MYO5C: variants seen among roughly 807,000 people sequenced by gnomAD.
The protein encoded by MYO5C is unconventional myosin-Vc.
MYO5C carries 194 observed loss-of-function variants against 235.7 expected under a neutral mutation model. The ratio of observed to expected loss-of-function variants is 0.82; its 90% CI spans 0.73 to 0.93. The LOEUF (loss-of-function observed/expected upper bound fraction) is 0.93. Ranked by LOEUF, MYO5C falls within the 40% of genes least tolerant of loss-of-function variation. MYO5C has a pLI of 0.00. For synonymous variants in MYO5C, 707 were observed against 754.8 expected (o/e 0.94, Z 1.04); for missense variants, 2,038 against 2,127.2 (o/e 0.96, Z 0.82).
chr15:52,219,423 G>A (rs1175346430), intron 31 of MYO5C, among the ~76,000 whole-genome samples: 2 of 152,172 alleles, frequency 1.3e-5, no homozygotes, highest in Non-Finnish European at 2.9e-5. Context: ...GATAATTCAA[G>A]TGCATGGTAT....
At chr15:52,288,710 C>T (rs1184515445) in intron 1 of MYO5C, among the ~76,000 whole-genome samples, 1 of 152,238 alleles carries the variant, frequency 6.6e-6, no homozygotes, top group African/African-American at 2.4e-5. Flanking sequence ...CAGCTGTCAA[C>T]TGACCTCCAG....
intron 19 of MYO5C, among the ~76,000 whole-genome samples, chr15:52,243,751 G>A (rs74531616): frequency 6.6e-6 from 1 of 152,232 alleles, no homozygotes; most frequent in Non-Finnish European, 1.5e-5. Context: ...CGGAATGACC[G>A]TGGTCCTTCA....
At chr15:52,249,020 T>C (rs2036414167) in intron 13 of MYO5C, among the ~76,000 whole-genome samples, 2 of 152,234 alleles carry the variant, frequency 1.3e-5, no homozygotes, top group South Asian at 2.1e-4. Context: ...TGCACTCACC[T>C]GTTGGCTCCC....
At chr15:52,278,759 TG>T in intron 4 of MYO5C, 113 bp downstream of exon 4, 1 of 1,272,316 alleles carries the variant, frequency 7.9e-7, no homozygotes, top group Non-Finnish European at 1.1e-6. Context: ...GCACCACCTC[TG>T]GCCTATCTCT....
At chr15:52,238,864 A>G (rs994439486) in intron 21 of MYO5C, among the ~76,000 whole-genome samples, 7 of 150,924 alleles carry the variant, frequency 4.6e-5, no homozygotes, top group Non-Finnish European at 1.0e-4. Context: ...GATGGTCTCG[A>G]TCTCCTGACC....
At chr15:52,279,772 T>G (rs934260463) in intron 2 of MYO5C, 98 bp from the exon 3 acceptor site, 1 of 1,164,816 alleles carries the variant, frequency 8.6e-7, no homozygotes, top group Non-Finnish European at 1.2e-6. Context: ...TCCATCAGAG[T>G]CATCACTGAC....
At chr15:52,237,405 A>C (rs1304804716) in intron 22 of MYO5C, 77 bp downstream of exon 22, 48 of 1,514,646 alleles carry the variant, frequency 3.2e-5, no homozygotes, top group Non-Finnish European at 4.2e-5. Context: ...TCCACTTCAT[A>C]GGAAAAGCTG....
intron 1 of MYO5C, among the ~76,000 whole-genome samples, chr15:52,286,083 C>CG (rs1208624154): frequency 2.6e-5 from 4 of 152,038 alleles, no homozygotes; most frequent in Non-Finnish European, 5.9e-5. Context: ...TGCCCGGCCG[C>CG]CCCGTCTGAG....
intron 10 of MYO5C, among the ~76,000 whole-genome samples, chr15:52,260,558 G>A (rs373894774): frequency 3.3e-5 from 5 of 152,188 alleles, no homozygotes; most frequent in Non-Finnish European, 7.3e-5. Context: ...GCTCTACAAC[G>A]GGGATAGTTA....
chr15:52,229,129 C>A lies in MYO5C; in HGVS notation c.3207+4G>T. The stretch of plus-strand genomic sequence containing the variant: ...GGCGGGGCTGAACGTGAGAGCCGCT[C>A]TACCTTGACCTGCTTGCTCAGGCGG... On this transcript the variant is annotated splice_donor_region_variant and intron_variant, in intron 25 of 40. Coordinates refer to ENST00000261839, the MANE Select transcript of MYO5C (RefSeq NM_018728.4). The A allele has an allele frequency of 6.2e-7, 1 of 1,613,926 alleles. No homozygotes were observed. The highest frequency in any genetic ancestry group is 8.5e-7 in the Non-Finnish European group (1 of 1,179,916).
chr15:52,279,638 G>C lies in MYO5C; in HGVS notation c.175C>G (p.Pro59Ala). The part of the protein sequence containing the change: ...DYSVNPESLP[P>A]LRNPDILVGE... The stretch of plus-strand genomic sequence containing the variant: ...ACGAGGATGTCAGGATTCCGAAGTG[G>C]AGGCAGAGATTCTGGATTGACAGAA... The change falls in exon 3 of 41, where the codon CCA becomes GCA. Residue 59 changes from proline (P) to alanine (A), a missense_variant. Coordinates refer to ENST00000261839, the MANE Select transcript of MYO5C (RefSeq NM_018728.4). The C allele has an allele frequency of 6.2e-7, 1 of 1,613,606 alleles. No individual in the cohort carries two copies. The highest frequency in any genetic ancestry group is 8.5e-7 in the Non-Finnish European group (1 of 1,179,480).
intron 40 of MYO5C, 42 bp from the exon 41 acceptor site, chr15:52,194,096 A>G (rs1319399367): frequency 2.5e-6 from 4 of 1,596,094 alleles, no homozygotes; most frequent in Non-Finnish European, 1.7e-6. Context: ...GGAAACTAAC[A>G]TGTTCTGCTT....
At chr15:52,282,953 G>A in intron 1 of MYO5C, 61 bp from the exon 2 acceptor site, 1 of 1,055,444 alleles carries the variant, frequency 9.5e-7, no homozygotes, top group South Asian at 1.3e-5. Context: ...ATCAATGCAT[G>A]GTTAGACACA....
intron 11 of MYO5C, among the ~76,000 whole-genome samples, chr15:52,253,980 G>C (rs555645573): frequency 2.7e-5 from 4 of 150,716 alleles, no homozygotes; most frequent in African/African-American, 9.8e-5. Context: ...TGGCTGGCAG[G>C]TGGTGAGGTG....
chr15:52,253,723 C>G (rs2036521246), intron 11 of MYO5C, among the ~76,000 whole-genome samples: 1 of 152,252 alleles, frequency 6.6e-6, no homozygotes, highest in East Asian at 1.9e-4. Context: ...ACCACCAGCA[C>G]CACATGGTAC....
In MYO5C at chr15:52,224,967, T is replaced by C; in HGVS notation, c.3380A>G (p.Asp1127Gly). ...EDVRSRLSVE[D>G]LEHLNEDGEL... ...TCCATCCTCATTTAAATGTTCCAGA[T>C]CTTCCACAGAGAGCCTGCAAAATAA... is the stretch of plus-strand genomic sequence containing the variant. Residue 1127 changes from aspartate (D) to glycine (G), a missense_variant, in exon 28 of 41, where the codon GAT (aspartate) becomes GGT (glycine). Physicochemically the swap from Asp to Gly is moderately conservative, Grantham distance 94. Transcript: ENST00000261839. The C allele has an allele frequency of 1.2e-6, 2 of 1,614,084 alleles. No individual in the cohort carries two copies. The highest frequency in any genetic ancestry group is 1.7e-6 in the Non-Finnish European group (2 of 1,179,978).
rs771874258 is a variant in MYO5C, at chr15:52,246,020, G to A, written c.2002C>T (p.Gln668Ter). Residue 668 changes from glutamine (Q) to a stop codon, truncating the protein, a stop_gained, in exon 17 of 41, where the codon CAG becomes TAG. Coordinates refer to ENST00000261839, the MANE Select transcript of MYO5C (RefSeq NM_018728.4). LOFTEE classifies it high-confidence loss of function. Reference protein sequence around the residue: ...PFEFDSKRIVQQLRACGVLET... With the variant: ...PFEFDSKRIV ...AAAACGCCGCAGGCTCGCAGCTGCT[G>A]AACAATTCTTTTGGAGTCAAATCTT... is the stretch of plus-strand genomic sequence containing the variant. 7.4e-6 allele frequency: 12 copies of A among 1,614,130 alleles called. No individual in the cohort carries two copies. The Admixed American group carries it at 2.0e-4, about 27-fold the overall frequency.
At chr15:52,273,210 C>G (rs2036964328) in intron 5 of MYO5C, among the ~76,000 whole-genome samples, 1 of 152,144 alleles carries the variant, frequency 6.6e-6, no homozygotes, top group African/African-American at 2.4e-5. Flanking sequence ...GTAGTCCTAG[C>G]TACTCAGAAA....
At chr15:52,241,900 A>G in intron 20 of MYO5C, 148 bp downstream of exon 20, 1 of 926,250 alleles carries the variant, frequency 1.1e-6, no homozygotes, top group Non-Finnish European at 1.6e-6. Context: ...CATGAGCCAC[A>G]GCACCTGGAA....
Sources: gnomAD v4.1 joint callset for allele counts (sites outside exome capture counted in the v4.1 genomes callset) on GRCh38, gnomAD v4.1.1 for gene constraint, MANE v1.5 for transcripts, NCBI Gene and HGNC (gene_info 2026-07-23, HGNC 2026-07-21) for gene names.